ADK: variants seen among roughly 807,000 people sequenced by gnomAD.
ADK encodes N6,N6-dimethyladenosine kinase.
In ADK, 24 loss-of-function variants were observed where a neutral mutation model predicts 44.7. That is an observed-to-expected ratio of 0.54 (90% confidence interval 0.39 to 0.76). ADK has a LOEUF of 0.76. ADK is among the 30% of genes least tolerant of loss of function. The probability of loss-of-function intolerance (pLI) is 0.00; values close to 1 mark genes in which losing one functional copy is unlikely to be tolerated. For synonymous variants in ADK, 128 were observed against 142.6 expected (o/e 0.90, Z 0.73); for missense variants, 321 against 425.1 (o/e 0.76, Z 2.15).
intron 10 of ADK, among the ~76,000 whole-genome samples, chr10:74,702,524 T>TTTCCTTCCTTCCGTCC (rs1554900286): frequency 4.1e-5 from 5 of 120,818 alleles, no homozygotes; most frequent in African/African-American, 6.3e-5. Flanking sequence ...TCCTTCCTTC[T>TTTCCTTCCTTCCGTCC]TTCCTTCCTT....
chr10:74,382,151 G>A (rs1228200842), intron 4 of ADK, among the ~76,000 whole-genome samples: 3 of 152,082 alleles, frequency 2.0e-5, no homozygotes, highest in Non-Finnish European at 4.4e-5. Flanking sequence ...AGGCTGGAGT[G>A]CAAGTGATGT....
chr10:74,291,242 C>G (rs977734034), intron 3 of ADK, among the ~76,000 whole-genome samples: 1 of 152,056 alleles, frequency 6.6e-6, no homozygotes, highest in Non-Finnish European at 1.5e-5. Context: ...CGGTGAAACC[C>G]TGTCTCTAAT....
intron 3 of ADK, among the ~76,000 whole-genome samples, chr10:74,312,813 C>T (rs1840482673): frequency 7.3e-6 from 1 of 137,756 alleles, no homozygotes; most frequent in South Asian, 2.4e-4. Context: ...ATTTAGGAGA[C>T]TGAGGCGGGA....
intron 3 of ADK, among the ~76,000 whole-genome samples, chr10:74,251,290 G>A (rs1272509090): frequency 6.6e-6 from 1 of 152,188 alleles, no homozygotes; most frequent in Non-Finnish European, 1.5e-5. Flanking sequence ...GAGAAAGGAG[G>A]AGGAGTAGGG....
At chr10:74,557,782 CATAGAGGT>C (rs1850315647) in intron 7 of ADK, among the ~76,000 whole-genome samples, 1 of 152,084 alleles carries the variant, frequency 6.6e-6, no homozygotes, top group South Asian at 2.1e-4. Flanking sequence ...TTAATCAATA[CATAGAGGT>C]TATACATGGG....
At chr10:74,290,676 T>A (rs1591994307) in intron 3 of ADK, among the ~76,000 whole-genome samples, 1 of 152,052 alleles carries the variant, frequency 6.6e-6, no homozygotes, top group African/African-American at 2.4e-5. Flanking sequence ...AAAAAAAGTT[T>A]ATGTTGTTTT....
chr10:74,638,828 AG>A (rs1341684856), intron 9 of ADK, among the ~76,000 whole-genome samples: 9 of 152,016 alleles, frequency 5.9e-5, no homozygotes, highest in Non-Finnish European at 1.2e-4. Context: ...TTTTTGAGAC[AG>A]GGTCTCTCTC....
chr10:74,258,384 C>G (rs1003404891), intron 3 of ADK, among the ~76,000 whole-genome samples: 5 of 151,968 alleles, frequency 3.3e-5, no homozygotes, highest in Admixed American at 2.6e-4. Context: ...AGCCTTTTTT[C>G]TAATCTTTAA....
chr10:74,592,846 C>A (rs150271604), intron 8 of ADK, among the ~76,000 whole-genome samples: 5 of 152,268 alleles, frequency 3.3e-5, no homozygotes, highest in African/African-American at 1.2e-4. Context: ...ATTTAAAATT[C>A]ATCACTTCTT....
chr10:74,661,277 C>CT (rs1243304636), intron 9 of ADK: 12 of 958,522 alleles, frequency 1.3e-5, no homozygotes, highest in African/African-American at 1.8e-5. Flanking sequence ...CCATCATCAC[C>CT]TTTTTTTCAG....
intron 4 of ADK, among the ~76,000 whole-genome samples, chr10:74,366,128 T>C (rs1842490079): frequency 1.3e-5 from 2 of 152,210 alleles, no homozygotes; most frequent in Non-Finnish European, 2.9e-5. Flanking sequence ...GGTTTAATGA[T>C]TATCAAAGCA....
chr10:74,373,871 A>G (rs1469078845), intron 4 of ADK, among the ~76,000 whole-genome samples: 3 of 152,224 alleles, frequency 2.0e-5, no homozygotes, highest in Non-Finnish European at 2.9e-5. Flanking sequence ...TAGCCTAAAC[A>G]TGGAAACAAC....
At chr10:74,180,244 A>ATTAATT (rs1383452897) in intron 1 of ADK, among the ~76,000 whole-genome samples, 125 of 146,046 alleles carry the variant, frequency 8.6e-4, no homozygotes, top group African/African-American at 3.1e-3. Context: ...TGTTATTATT[A>ATTAATT]ATTATTATTT....
In ADK at chr10:74,457,552, A is replaced by G. The variant is rs183774144; in HGVS notation, c.555+58973A>G. 2.0e-4 allele frequency among the ~76,000 whole-genome samples: 31 copies of G among 152,370 alleles called. No homozygotes were observed. The East Asian group carries it at 5.0e-3, about 25-fold the overall frequency. The stretch of plus-strand genomic sequence containing the variant: ...CCAAAGGATTATAAATCATGGTGCT[A>G]TGAAGACACATGCACACATGTTTAT... On this transcript the variant is annotated intron_variant, in intron 6 of 10. Coordinates refer to ENST00000539909, the MANE Select transcript of ADK (RefSeq NM_006721.4).
At chr10:74,321,806 C>T (rs1840817396) in intron 4 of ADK, among the ~76,000 whole-genome samples, 1 of 152,080 alleles carries the variant, frequency 6.6e-6, no homozygotes, top group African/African-American at 2.4e-5. Context: ...TGTAAAACAT[C>T]ACATAATAAA....
chr10:74,172,492 C>T (rs1842192035), intron 1 of ADK, among the ~76,000 whole-genome samples: 1 of 152,004 alleles, frequency 6.6e-6, no homozygotes, highest in Non-Finnish European at 1.5e-5. Flanking sequence ...AGTTTGAGAC[C>T]AGCCTGACCA....
chr10:74,300,158 A>G (rs1839957605), intron 3 of ADK, among the ~76,000 whole-genome samples: 1 of 151,236 alleles, frequency 6.6e-6, no homozygotes, highest in Admixed American at 6.6e-5. Flanking sequence ...TGTTGGGATT[A>G]TAGGTGTGAG....
In ADK at chr10:74,506,549, A is replaced by G. The variant is rs1442041872; in HGVS notation, c.556-18707A>G. 2 of 153,266 alleles carry G rather than the reference A, an allele frequency of 1.3e-5. 1 individual carries two copies. The highest frequency in any genetic ancestry group is 1.3e-4 in the Admixed American group (2 of 15,308). The allele number at this position is 153,266 out of a possible 1,614,324, so 9.5% of individuals were successfully genotyped here. ...AAGATGTAGGGTTCACTCAGAGATG[A>G]TTAGCATCAGATGTCATTTTCAATG... On this transcript the variant is annotated intron_variant, in intron 6 of 10. Transcript: ENST00000539909.
chr10:74,586,348 G>A (rs1008454044), intron 7 of ADK, among the ~76,000 whole-genome samples: 1 of 152,142 alleles, frequency 6.6e-6, no homozygotes, highest in Non-Finnish European at 1.5e-5. Flanking sequence ...CAGCAAACCT[G>A]TGTGAGGGGG....
Sources: gnomAD v4.1 joint callset for allele counts (sites outside exome capture counted in the v4.1 genomes callset) on GRCh38, gnomAD v4.1.1 for gene constraint, MANE v1.5 for transcripts, NCBI Gene and HGNC (gene_info 2026-07-23, HGNC 2026-07-21) for gene names.